ASIC2: variants seen among roughly 807,000 people sequenced by gnomAD.
ASIC2 encodes acid sensing ion channel subunit 2, also known as acid-sensing ion channel 2.
A neutral mutation model predicts 57.3 loss-of-function variants in ASIC2; 25 were observed. The ratio of observed to expected loss-of-function variants is 0.44; its 90% CI spans 0.32 to 0.61. The LOEUF (loss-of-function observed/expected upper bound fraction) is 0.61, where lower values mean the gene tolerates loss of function less well. Among genes scored for constraint, ASIC2 ranks in the 20% least tolerant of loss-of-function variants. The probability of loss-of-function intolerance (pLI) is 0.06; values close to 1 mark genes in which losing one functional copy is unlikely to be tolerated. For missense variants in ASIC2, 641 were observed against 738.1 expected (o/e 0.87, Z 1.52); for synonymous variants, 319 against 307.5 (o/e 1.04, Z -0.39).
rs151078849 is a variant in ASIC2 at position 33,102,590 on chromosome 17, C to T, written c.859+9327G>A. Among the ~76,000 whole-genome samples the T allele has an allele frequency of 4.4e-3, 671 of 152,236 alleles. 5 individuals are homozygous for T. Among genetic ancestry groups the T allele is most frequent in the African/African-American group, 0.016 (655 of 41,546 alleles). ...CTTCTCCATCCTCTTGGTTTTATTA[C>T]TCTAAAACTCCTAGTAATAGGATGT... is the stretch of plus-strand genomic sequence containing the variant. On this transcript the variant is annotated intron_variant, in intron 2 of 9. Transcript: ENST00000225823.
rs16968602 is a variant in ASIC2, at chr17:33,568,087, A to G, written c.556-456020T>C. On this transcript the variant is annotated intron_variant, in intron 1 of 9. Transcript: ENST00000359872. ...GGCAGTAACATCATCCCTCAGTCAC[A>G]AGTCAATCTGACCTCCCTCCACACC... 7.1e-3 allele frequency among the ~76,000 whole-genome samples: 1,075 copies of G among 152,256 alleles called. 7 individuals are homozygous for G. The highest frequency in any genetic ancestry group is 0.024 in the African/African-American group (1,017 of 41,534).
intron 1 of ASIC2, among the ~76,000 whole-genome samples, chr17:33,860,067 G>T (rs1398998952): frequency 6.6e-6 from 1 of 152,078 alleles, no homozygotes. Context: ...TCTGAATCTT[G>T]GCTCTGTCAC....
intron 1 of ASIC2, among the ~76,000 whole-genome samples, chr17:33,828,698 G>A (rs9303670): frequency 0.81 from 123,564 of 152,192 alleles, 50,520 homozygotes; most frequent in African/African-American, 0.85. Flanking sequence ...AGTGTTATTC[G>A]TATATGCATT....
chr17:33,983,389 A>C (rs1905695774), intron 1 of ASIC2, among the ~76,000 whole-genome samples: 1 of 152,168 alleles, frequency 6.6e-6, no homozygotes, highest in Admixed American at 6.5e-5. Context: ...GTGAGATGAA[A>C]TGCTCCCAAC....
intron 3 of ASIC2, among the ~76,000 whole-genome samples, chr17:33,069,706 T>TA (rs1047343739): frequency 1.3e-5 from 2 of 152,080 alleles, no homozygotes; most frequent in Admixed American, 6.6e-5. Flanking sequence ...TTCCATCCTT[T>TA]AAAAAAAACT....
chr17:33,031,456 C>T (rs189788719), intron 3 of ASIC2, among the ~76,000 whole-genome samples: 303 of 152,206 alleles, frequency 2.0e-3, no homozygotes, highest in Non-Finnish European at 3.4e-3. Flanking sequence ...ACATCCTCCC[C>T]ATGGTTTCAT....
At chr17:33,414,239 G>A (rs959134508) in intron 1 of ASIC2, among the ~76,000 whole-genome samples, 6 of 152,200 alleles carry the variant, frequency 3.9e-5, no homozygotes, top group African/African-American at 1.2e-4. Context: ...CCAAAGAGGA[G>A]GGGAGAGTGG....
At chr17:33,973,511 G>A (rs1905280900) in intron 1 of ASIC2, among the ~76,000 whole-genome samples, 1 of 152,220 alleles carries the variant, frequency 6.6e-6, no homozygotes, top group Non-Finnish European at 1.5e-5. Flanking sequence ...GCAGGGCAGG[G>A]ATGCAAATTC....
intron 1 of ASIC2, among the ~76,000 whole-genome samples, chr17:33,962,320 TG>T: frequency 6.6e-6 from 1 of 152,256 alleles, no homozygotes; most frequent in Non-Finnish European, 1.5e-5. Flanking sequence ...AAAGCCCTCC[TG>T]GGGGAGGTGA....
intron 1 of ASIC2, among the ~76,000 whole-genome samples, chr17:33,408,058 C>T (rs1288387838): frequency 1.3e-5 from 2 of 152,058 alleles, no homozygotes; most frequent in Non-Finnish European, 2.9e-5. Flanking sequence ...AGAAGTGTGC[C>T]ACATGTACCC....
At position 33,801,768 on chromosome 17, in the gene ASIC2, A is replaced by G. The variant is rs1230635291; in HGVS notation, c.555+354210T>C. Reference sequence around the variant, plus strand: ...GTTAAATATGACTGTTTGAACTTAAACTTAGATTGATTAAAAGTAAGTAAA... The same window carrying G: ...GTTAAATATGACTGTTTGAACTTAAGCTTAGATTGATTAAAAGTAAGTAAA... On this transcript the variant is annotated intron_variant, in intron 1 of 9. Coordinates refer to the ASIC2 transcript ENST00000359872. Among the ~76,000 whole-genome samples, 3 of 152,170 alleles carry G rather than the reference A, an allele frequency of 2.0e-5. No individual in the cohort carries two copies. In the East Asian group the frequency reaches 5.8e-4, roughly 29 times the overall value.
intron 1 of ASIC2, among the ~76,000 whole-genome samples, chr17:34,148,436 G>T (rs16969267): frequency 3.9e-5 from 6 of 152,166 alleles, no homozygotes; most frequent in East Asian, 1.9e-4. Context: ...GCTTGACAAA[G>T]GTTGCCCCCA....
At position 33,291,874 on chromosome 17, in the gene ASIC2, C is replaced by T. The variant is rs775719613; in HGVS notation, c.242G>A (p.Gly81Asp). 1.9e-6 allele frequency: 3 copies of T among 1,606,990 alleles called. No individual in the cohort carries two copies. Among genetic ancestry groups the T allele is most frequent in the Non-Finnish European group, 2.5e-6 (3 of 1,179,168 alleles). ...CCACAGCGCCCGCCGCTGGAAGGAG[C>T]CCCCAGCCGCCGTGCGCCCGGCACA... ...HMCAGRTAAG[G>D]SFQRRALWVL... The change falls in exon 1 of 10, where the codon GGC becomes GAC. Residue 81 changes from glycine (G) to aspartate (D), a missense_variant. By Grantham distance (94) the Gly-to-Asp change is moderately conservative. This residue lies in a region of ASIC2 where 382 missense variants were observed against 398.0 expected (regional missense o/e 0.96). Coordinates refer to ENST00000225823, the MANE Select transcript of ASIC2 (RefSeq NM_183377.2).
chr17:33,926,564 C>G (rs980937705), intron 1 of ASIC2, among the ~76,000 whole-genome samples: 3 of 152,190 alleles, frequency 2.0e-5, no homozygotes, highest in African/African-American at 7.2e-5. Context: ...ACCATCTCAG[C>G]CACCCATGTG....
At chr17:33,038,327 C>G (rs534704396) in intron 3 of ASIC2, among the ~76,000 whole-genome samples, 5 of 152,250 alleles carry the variant, frequency 3.3e-5, no homozygotes, top group Non-Finnish European at 7.3e-5. Context: ...CAGCAAATCT[C>G]TGCCTTTTTG....
At chr17:33,255,958 C>T (rs1480992955) in intron 1 of ASIC2, among the ~76,000 whole-genome samples, 3 of 152,180 alleles carry the variant, frequency 2.0e-5, no homozygotes, top group South Asian at 4.2e-4. Flanking sequence ...TAATATTTTC[C>T]TCCATTTGCT....
At chr17:33,491,441 A>G (rs554617488) in intron 1 of ASIC2, among the ~76,000 whole-genome samples, 4 of 152,322 alleles carry the variant, frequency 2.6e-5, no homozygotes, top group African/African-American at 9.6e-5. Flanking sequence ...AAAACTTTCC[A>G]TACATTGGCT....
At chr17:33,070,895 CT>C (rs955627406) in intron 3 of ASIC2, among the ~76,000 whole-genome samples, 36 of 148,912 alleles carry the variant, frequency 2.4e-4, no homozygotes, top group African/African-American at 3.7e-4. Context: ...AGATTGACAG[CT>C]TTTTTTTTTC....
intron 1 of ASIC2, among the ~76,000 whole-genome samples, chr17:33,643,358 T>C (rs1416575508): frequency 6.6e-6 from 1 of 152,250 alleles, no homozygotes; most frequent in South Asian, 2.1e-4. Context: ...TGGTGCTCTA[T>C]GACATTTTCT....
Sources: gnomAD v4.1 joint callset for allele counts (sites outside exome capture counted in the v4.1 genomes callset) on GRCh38, gnomAD v4.1.1 for gene constraint, gnomAD v4.1.1 regional missense constraint, MANE v1.5 for transcripts, NCBI Gene and HGNC (gene_info 2026-07-23, HGNC 2026-07-21) for gene names.